The following HERC3 variants were observed in gnomAD, a reference collection of about 807,000 sequenced individuals.
The protein encoded by HERC3 is HECT and RLD domain containing E3 ubiquitin protein ligase 3.
In HERC3, 58 loss-of-function variants were observed where a neutral mutation model predicts 129.9. That is an observed-to-expected ratio of 0.45 (90% CI 0.36 to 0.56). The LOEUF (loss-of-function observed/expected upper bound fraction) is 0.56. Ranked by LOEUF, HERC3 falls within the 20% of genes least tolerant of loss-of-function variation. HERC3 has a pLI of 0.00. For synonymous variants in HERC3, 430 were observed against 451.0 expected, an observed-to-expected ratio of 0.95 and a Z score of 0.59; for missense variants, 835 against 1,244.2, an observed-to-expected ratio of 0.67 and a Z score of 4.95.
At chr4:88,550,091 C>T in the HERC3 span, among the ~76,000 whole-genome samples, 1 of 152,136 alleles carries the variant, frequency 6.6e-6, no homozygotes, top group Admixed American at 6.6e-5. Flanking sequence ...CCATAATACT[C>T]GACCAATGAG....
chr4:88,676,599 A>G (rs1732190614), intron 18 of HERC3, among the ~76,000 whole-genome samples, 176 bp downstream of exon 18: 1 of 152,208 alleles, frequency 6.6e-6, no homozygotes, highest in African/African-American at 2.4e-5. Context: ...ATAGGTGAAT[A>G]CACATTTGTG....
At chr4:88,618,185 A>AT (rs1205806805) in intron 3 of HERC3, among the ~76,000 whole-genome samples, 126 of 152,344 alleles carry the variant, frequency 8.3e-4, no homozygotes, top group African/African-American at 2.9e-3. Flanking sequence ...GTGCTATGTA[A>AT]TAGGGATACA....
chr4:88,565,751 C>G, the HERC3 span, among the ~76,000 whole-genome samples: 2 of 152,010 alleles, frequency 1.3e-5, no homozygotes, highest in Non-Finnish European at 2.9e-5. Context: ...AGACTTACTC[C>G]TGCCATTTTG....
chr4:88,538,372 C>G, the HERC3 span, among the ~76,000 whole-genome samples: 1 of 152,162 alleles, frequency 6.6e-6, no homozygotes, highest in Non-Finnish European at 1.5e-5. Flanking sequence ...CAAAGTACCA[C>G]AGACTGGATG....
intron 9 of HERC3, 71 bp downstream of exon 9, chr4:88,656,106 C>G: frequency 1.4e-6 from 2 of 1,451,478 alleles, no homozygotes; most frequent in African/African-American, 2.8e-5. Context: ...GAATATGTAT[C>G]TATTACTTAC....
chr4:88,547,828 AT>A, the HERC3 span, among the ~76,000 whole-genome samples: 1 of 151,960 alleles, frequency 6.6e-6, no homozygotes, highest in Non-Finnish European at 1.5e-5. Flanking sequence ...GCTAATTTTT[AT>A]AGTTTTAGTA....
the HERC3 span, among the ~76,000 whole-genome samples, chr4:88,553,206 A>G: frequency 6.6e-6 from 1 of 152,236 alleles, no homozygotes; most frequent in Admixed American, 6.5e-5. Context: ...TAGTAGACAC[A>G]CAGAATTCAG....
At chr4:88,706,027 G>A (rs888206289) in intron 25 of HERC3, among the ~76,000 whole-genome samples, 6 of 152,204 alleles carry the variant, frequency 3.9e-5, no homozygotes, top group Non-Finnish European at 8.8e-5. Context: ...CCTGCTCATG[G>A]TCCTGGAATT....
intron 3 of HERC3, 97 bp downstream of exon 3, chr4:88,606,146 C>A (rs58475059): frequency 5.3e-6 from 5 of 946,458 alleles, no homozygotes; most frequent in Non-Finnish European, 6.3e-6. Context: ...ACCAAGTGTT[C>A]GGTTTTCAGG....
chr4:88,674,563 G>A (rs1289129763), intron 16 of HERC3, among the ~76,000 whole-genome samples: 1 of 152,184 alleles, frequency 6.6e-6, no homozygotes, highest in African/African-American at 2.4e-5. Context: ...GACAGATTAG[G>A]AAATTCTGAA....
the HERC3 span, among the ~76,000 whole-genome samples, chr4:88,550,979 C>A: frequency 6.8e-6 from 1 of 147,998 alleles, no homozygotes; most frequent in Non-Finnish European, 1.5e-5. Context: ...GAAATAATGC[C>A]GCATATCTAC....
the HERC3 span, among the ~76,000 whole-genome samples, chr4:88,535,783 A>G: frequency 2.0e-5 from 3 of 152,160 alleles, no homozygotes; most frequent in Admixed American, 1.3e-4. Flanking sequence ...CCCACCTCCA[A>G]CCAACAGATG....
intron 3 of HERC3, among the ~76,000 whole-genome samples, chr4:88,642,471 T>G (rs1728226111): frequency 6.6e-6 from 1 of 152,230 alleles, no homozygotes; most frequent in African/African-American, 2.4e-5. Context: ...TTCTTTCAGT[T>G]CATTTGGGGT....
intron 17 of HERC3, 24 bp from the exon 18 acceptor site, chr4:88,676,310 T>G: frequency 6.3e-7 from 1 of 1,578,936 alleles, no homozygotes; most frequent in Non-Finnish European, 8.7e-7. Context: ...AGTATAATAC[T>G]GTCAATAATG....
chr4:88,702,400 CTGAG>C (rs1735399842), intron 23 of HERC3, among the ~76,000 whole-genome samples: 1 of 152,228 alleles, frequency 6.6e-6, no homozygotes, highest in Non-Finnish European at 1.5e-5. Context: ...GTCACAAGCT[CTGAG>C]TGACAGAGCT....
Position 88,708,446 on chromosome 4 carries a change from TA to T in HERC3, c.*1491del, listed in dbSNP as rs1251717416. ...TTTTCAGTCTTTATAAATACAGGAT[TA>T]AAAATATATATACAGTTATATGAAA... On this transcript the variant is annotated 3_prime_UTR_variant, in exon 26 of 26. Transcript: ENST00000402738. 1.3e-5 allele frequency: 2 copies of T among 152,624 alleles called. No homozygotes were observed. The highest frequency in any genetic ancestry group is 4.8e-5 in the African/African-American group (2 of 41,454). The allele number at this position is 152,624 out of a possible 1,614,324, so 9.5% of individuals were successfully genotyped here. A position where few individuals can be genotyped will look rare whatever the true frequency, so the allele number is the denominator to read the frequency against.
At chr4:88,698,789 C>T (rs1174708932) in intron 23 of HERC3, among the ~76,000 whole-genome samples, 3 of 146,864 alleles carry the variant, frequency 2.0e-5, no homozygotes, top group Non-Finnish European at 4.5e-5. Context: ...GCCCCACCTT[C>T]TGCCCATCTT....
chr4:88,693,377 C>A (rs910223474), intron 23 of HERC3: 12 of 964,204 alleles, frequency 1.2e-5, no homozygotes, highest in Non-Finnish European at 1.5e-5. Context: ...ATGAATTATA[C>A]TCCCTTATAT....
At chr4:88,572,816 AAAT>A in the HERC3 span, among the ~76,000 whole-genome samples, 37 of 149,840 alleles carry the variant, frequency 2.5e-4, no homozygotes, top group South Asian at 4.2e-4. Flanking sequence ...AAAAAAAAAA[AAAT>A]AATAATAATA....
Sources: allele counts gnomAD v4.1 joint callset (sites outside exome capture counted in the v4.1 genomes callset), GRCh38; gene constraint gnomAD v4.1.1; transcripts MANE v1.5; gene names NCBI Gene and HGNC (gene_info 2026-07-23, HGNC 2026-07-21).